The following CSMD1 variants were observed in gnomAD, a reference collection of about 807,000 sequenced individuals.
The protein encoded by CSMD1 is CUB and sushi domain-containing protein 1.
Under a neutral mutation model 417.5 loss-of-function variants are expected in CSMD1, and 213 were observed. The observed-to-expected ratio is 0.51, with a 90% CI of 0.46 to 0.57. The LOEUF (loss-of-function observed/expected upper bound fraction) is 0.57, where lower values mean the gene tolerates loss of function less well. Among genes scored for constraint, CSMD1 ranks in the 20% least tolerant of loss-of-function variants. The probability of loss-of-function intolerance (pLI) is 0.00; values close to 1 mark genes in which losing one functional copy is unlikely to be tolerated. For synonymous variants in CSMD1, 2,862 were observed against 1,736.8 expected, an observed-to-expected ratio of 1.65 and a Z score of -16.11; for missense variants, 6,923 against 4,529.7, an observed-to-expected ratio of 1.53 and a Z score of -15.17.
intron 50 of CSMD1, among the ~76,000 whole-genome samples, chr8:3,032,637 T>C (rs1183086020): frequency 6.6e-6 from 1 of 152,032 alleles, no homozygotes; most frequent in Non-Finnish European, 1.5e-5. Context: ...TGCCTGTACG[T>C]GGTTTCTAGT....
intron 2 of CSMD1, among the ~76,000 whole-genome samples, chr8:4,495,856 T>A (rs1801953661): frequency 6.6e-6 from 1 of 152,154 alleles, no homozygotes; most frequent in Admixed American, 6.5e-5. Context: ...TTAATGTAAG[T>A]GGATTTCATT....
At chr8:3,718,998 G>A (rs73501420) in intron 6 of CSMD1, among the ~76,000 whole-genome samples, 1 of 151,994 alleles carries the variant, frequency 6.6e-6, no homozygotes, top group African/African-American at 2.4e-5. Context: ...CAGAACAAGG[G>A]GTGAGACAAC....
chr8:4,963,539 C>T (rs961342340), intron 1 of CSMD1, among the ~76,000 whole-genome samples: 46 of 152,234 alleles, frequency 3.0e-4, no homozygotes, highest in African/African-American at 1.1e-3. Context: ...GATTTACCTC[C>T]CTTACCTGCT....
At chr8:3,795,903 AT>A (rs1408728027) in intron 5 of CSMD1, among the ~76,000 whole-genome samples, 1 of 64,300 alleles carries the variant, frequency 1.6e-5, no homozygotes, top group African/African-American at 5.2e-5. Flanking sequence ...AGATATATAT[AT>A]CATGTACAGA....
intron 3 of CSMD1, among the ~76,000 whole-genome samples, chr8:4,403,505 C>G (rs1804796325): frequency 6.6e-6 from 1 of 152,160 alleles, no homozygotes; most frequent in South Asian, 2.1e-4. Context: ...AAAATCACCT[C>G]TCCTCATCAG....
Position 3,162,277 on chromosome 8 carries a change from G to C in CSMD1, c.5726C>G (p.Thr1909Ser), listed in dbSNP as rs767379511. The C allele has an allele frequency of 2.5e-6, 4 of 1,583,578 alleles. No individual in the cohort carries two copies. Among genetic ancestry groups the C allele is most frequent in the South Asian group, 2.3e-5 (2 of 88,146 alleles). Residue 1909 changes from threonine to serine, a missense_variant and splice_region_variant, in exon 38 of 70, where the codon ACT becomes AGT. By Grantham distance (58) the Thr-to-Ser change is moderately conservative. Transcript: ENST00000635120. Reference sequence around the variant, plus strand: ...TTCTTGGCATGCAGCAAGACCTACAGCTAGAAATGCAAAGACAAATGCTAG... The same window carrying C: ...TTCTTGGCATGCAGCAAGACCTACACCTAGAAATGCAAAGACAAATGCTAG... ...AAAGFHLEYK[T>S]VGLAACQEPA... is the part of the protein sequence containing the mutation.
Position 3,181,309 on chromosome 8 carries a change from C to T in CSMD1, c.5621-95G>A, listed in dbSNP as rs1027596629. On this transcript the variant is annotated intron_variant, in intron 36 of 69. Transcript: ENST00000635120. ...GAGAATACTTATTAGGCTTACAAATCCCTACAGTTTGTCTGATTACCAGAT... is the reference window on the plus strand; with the variant it reads ...GAGAATACTTATTAGGCTTACAAATTCCTACAGTTTGTCTGATTACCAGAT... 48 of 820,216 alleles carry T rather than the reference C, an allele frequency of 5.9e-5. No homozygotes were observed. The South Asian group carries it at 8.4e-4, about 14-fold the overall frequency. 50.8% of individuals were successfully genotyped at this position (820,216 alleles called of 1,614,324 possible).
intron 3 of CSMD1, among the ~76,000 whole-genome samples, chr8:4,403,018 A>G (rs1804753811): frequency 6.6e-6 from 1 of 150,892 alleles, no homozygotes; most frequent in Non-Finnish European, 1.5e-5. Context: ...TTTTTAGTGG[A>G]GACGGGGTTT....
chr8:3,253,238 T>C (rs1379336243), intron 26 of CSMD1, among the ~76,000 whole-genome samples: 1 of 152,224 alleles, frequency 6.6e-6, no homozygotes, highest in Non-Finnish European at 1.5e-5. Context: ...GTCTTTGCTC[T>C]CGTTGGTTTC....
intron 3 of CSMD1, among the ~76,000 whole-genome samples, chr8:4,233,792 T>C (rs552993825): frequency 3.3e-5 from 5 of 152,248 alleles, no homozygotes; most frequent in Non-Finnish European, 7.4e-5. Flanking sequence ...AAGTAGAGTA[T>C]CTTTAGGATA....
intron 3 of CSMD1, among the ~76,000 whole-genome samples, chr8:4,334,080 G>C (rs1239010746): frequency 2.0e-5 from 3 of 151,970 alleles, no homozygotes; most frequent in South Asian, 4.2e-4. Context: ...TGATGATGAT[G>C]ATGATGATTA....
chr8:3,193,049 T>G (rs1796510145), intron 33 of CSMD1, among the ~76,000 whole-genome samples: 1 of 152,206 alleles, frequency 6.6e-6, no homozygotes, highest in Non-Finnish European at 1.5e-5. Context: ...ACAAAATACC[T>G]GCTATCGTGG....
chr8:2,999,920 G>C, intron 53 of CSMD1, 38 bp downstream of exon 53: 1 of 1,553,728 alleles, frequency 6.4e-7, no homozygotes, highest in Non-Finnish European at 8.8e-7. Context: ...GTGGCAAAAG[G>C]AAGCATCGAT....
At chr8:4,968,563 T>A (rs914057143) in intron 1 of CSMD1, among the ~76,000 whole-genome samples, 1 of 152,132 alleles carries the variant, frequency 6.6e-6, no homozygotes. Context: ...TATATATTTT[T>A]TTCCGGGCCT....
intron 5 of CSMD1, among the ~76,000 whole-genome samples, chr8:3,787,594 T>C (rs1169923534): frequency 6.6e-6 from 1 of 152,166 alleles, no homozygotes; most frequent in South Asian, 2.1e-4. Context: ...AAAGATGTAG[T>C]TGCTACAACA....
chr8:3,168,831 G>C (rs978434453), intron 37 of CSMD1, among the ~76,000 whole-genome samples: 1 of 152,096 alleles, frequency 6.6e-6, no homozygotes, highest in African/African-American at 2.4e-5. Context: ...ATTTCCACTT[G>C]TTACATCCTG....
At chr8:3,816,203 G>A (rs112864353) in intron 5 of CSMD1, among the ~76,000 whole-genome samples, 1 of 152,080 alleles carries the variant, frequency 6.6e-6, no homozygotes, top group Non-Finnish European at 1.5e-5. Flanking sequence ...GGAGAATCAC[G>A]ACTTTTCAGA....
intron 3 of CSMD1, among the ~76,000 whole-genome samples, chr8:4,367,810 C>G (rs1405880479): frequency 6.6e-6 from 1 of 151,996 alleles, no homozygotes; most frequent in African/African-American, 2.4e-5. Flanking sequence ...GTATTTTATT[C>G]TTTGTGCTAT....
At chr8:3,804,978 G>A (rs969201465) in intron 5 of CSMD1, among the ~76,000 whole-genome samples, 5 of 152,124 alleles carry the variant, frequency 3.3e-5, no homozygotes, top group Non-Finnish European at 7.3e-5. Flanking sequence ...GCAATTGTTC[G>A]TTCCACTTTC....
Sources: gnomAD v4.1 joint callset for allele counts (sites outside exome capture counted in the v4.1 genomes callset) on GRCh38, gnomAD v4.1.1 for gene constraint, MANE v1.5 for transcripts, NCBI Gene and HGNC (gene_info 2026-07-23, HGNC 2026-07-21) for gene names.